CCSER1: variants seen among roughly 807,000 people sequenced by gnomAD.
CCSER1 encodes serine-rich coiled-coil domain-containing protein 1.
Under a neutral mutation model 82.0 loss-of-function variants are expected in CCSER1, and 41 were observed. That is an observed-to-expected ratio of 0.50 (90% confidence interval 0.39 to 0.65). The LOEUF is 0.65. Ranked by LOEUF, CCSER1 falls within the 30% of genes least tolerant of loss-of-function variation. CCSER1 has a pLI of 0.00. For synonymous variants in CCSER1, 414 were observed against 383.9 expected (o/e 1.08, Z -0.92); for missense variants, 1,119 against 1,064.2 (o/e 1.05, Z -0.72).
At chr4:91,321,885 G>T (rs920419011) in intron 10 of CCSER1, among the ~76,000 whole-genome samples, 38 of 151,868 alleles carry the variant, frequency 2.5e-4, no homozygotes, top group Non-Finnish European at 4.4e-4. Context: ...CATAGTAAAA[G>T]TTTTCCTTTT....
intron 1 of CCSER1, among the ~76,000 whole-genome samples, chr4:90,202,266 T>C (rs1737864400): frequency 6.6e-6 from 1 of 151,528 alleles, no homozygotes; most frequent in African/African-American, 2.4e-5. Context: ...GCAGTGGTGC[T>C]ATCTTGGCTC....
intron 9 of CCSER1, among the ~76,000 whole-genome samples, chr4:91,064,854 A>G (rs1720638163): frequency 6.6e-6 from 1 of 152,208 alleles, no homozygotes; most frequent in Non-Finnish European, 1.5e-5. Context: ...GGAACACAGC[A>G]GAATTTTGAA....
At chr4:91,460,730 G>T (rs1357297913) in intron 10 of CCSER1, among the ~76,000 whole-genome samples, 3 of 152,236 alleles carry the variant, frequency 2.0e-5, no homozygotes, top group South Asian at 2.1e-4. Flanking sequence ...TGAAAGCCAG[G>T]TGGTAAAATC....
At chr4:90,911,710 C>A (rs1726394035) in intron 8 of CCSER1, among the ~76,000 whole-genome samples, 1 of 152,112 alleles carries the variant, frequency 6.6e-6, no homozygotes, top group African/African-American at 2.4e-5. Flanking sequence ...CTCAAGGGGT[C>A]TGGGAATTCC....
intron 6 of CCSER1, among the ~76,000 whole-genome samples, chr4:90,638,992 G>A (rs955780680): frequency 6.6e-6 from 1 of 151,920 alleles, no homozygotes; most frequent in Non-Finnish European, 1.5e-5. Flanking sequence ...CTACCTCATA[G>A]GATTATTTGG....
intron 10 of CCSER1, among the ~76,000 whole-genome samples, chr4:91,178,264 G>A (rs940056521): frequency 1.3e-5 from 2 of 152,172 alleles, no homozygotes; most frequent in Non-Finnish European, 2.9e-5. Context: ...GTGTGGTGTG[G>A]TGCTGAGAAG....
intron 5 of CCSER1, among the ~76,000 whole-genome samples, chr4:90,561,690 G>C (rs1429859922): frequency 6.6e-6 from 1 of 152,150 alleles, no homozygotes; most frequent in Non-Finnish European, 1.5e-5. Flanking sequence ...ATATGCAATA[G>C]TGTAACCATT....
chr4:91,282,267 A>C (rs62312007), intron 10 of CCSER1, among the ~76,000 whole-genome samples: 2,308 of 152,256 alleles, frequency 0.015, 26 homozygotes, highest in Non-Finnish European at 0.023. Context: ...ACTTTATTCC[A>C]TCTCAAATGC....
At position 90,448,157 on chromosome 4, in the gene CCSER1, C is replaced by T. The variant is rs1038163850; in HGVS notation, c.1604-20077C>T. On this transcript the variant is annotated intron_variant, in intron 4 of 10. Transcript: ENST00000509176. ...CTTTAAAAAATTATTGTTTTCTGGA[C>T]TCTAGGATATCAGATTATAGCAATT... Among the ~76,000 whole-genome samples, 62 of 151,846 alleles carry T rather than the reference C, an allele frequency of 4.1e-4. 1 individual carries two copies. Among genetic ancestry groups the T allele is most frequent in the Non-Finnish European group, 1.2e-4 (8 of 67,934 alleles).
chr4:91,244,438 TG>T (rs759330518), intron 10 of CCSER1, among the ~76,000 whole-genome samples: 2 of 152,122 alleles, frequency 1.3e-5, no homozygotes, highest in Non-Finnish European at 2.9e-5. Flanking sequence ...CAGGGGTGCT[TG>T]CATCACCACA....
intron 10 of CCSER1, among the ~76,000 whole-genome samples, chr4:91,164,185 A>G (rs1396185736): frequency 6.6e-6 from 1 of 152,098 alleles, no homozygotes; most frequent in East Asian, 1.9e-4. Context: ...TCCTTCACTT[A>G]TGAAGCTTAG....
At chr4:90,660,989 T>A (rs1489510004) in intron 6 of CCSER1, among the ~76,000 whole-genome samples, 1 of 152,304 alleles carries the variant, frequency 6.6e-6, no homozygotes, top group Non-Finnish European at 1.5e-5. Context: ...GGTGTTATTG[T>A]TGCTATAGTT....
At chr4:91,005,962 T>A (rs1203679534) in intron 9 of CCSER1, among the ~76,000 whole-genome samples, 2 of 152,246 alleles carry the variant, frequency 1.3e-5, no homozygotes, top group African/African-American at 4.8e-5. Context: ...CATGTTGTTT[T>A]GGTTACTATA....
intron 10 of CCSER1, among the ~76,000 whole-genome samples, chr4:91,358,994 C>T (rs1272447601): frequency 2.0e-5 from 3 of 152,106 alleles, no homozygotes; most frequent in Non-Finnish European, 4.4e-5. Flanking sequence ...TCTCAGACAC[C>T]GAGTTGTAGA....
chr4:90,446,881 A>G (rs1307241898), intron 4 of CCSER1, among the ~76,000 whole-genome samples: 1 of 152,120 alleles, frequency 6.6e-6, no homozygotes, highest in African/African-American at 2.4e-5. Flanking sequence ...GACTTTTATG[A>G]TGATCCACTT....
chr4:90,623,755 A>T (rs1277832487), intron 5 of CCSER1, among the ~76,000 whole-genome samples: 1 of 152,220 alleles, frequency 6.6e-6, no homozygotes, highest in East Asian at 1.9e-4. Flanking sequence ...TTTTCCTAAA[A>T]TAACACTCTC....
At chr4:90,891,310 A>G (rs1048799360) in intron 8 of CCSER1, among the ~76,000 whole-genome samples, 2 of 151,728 alleles carry the variant, frequency 1.3e-5, no homozygotes, top group African/African-American at 4.8e-5. Flanking sequence ...AATCAAATAT[A>G]TTTATATAAT....
intron 1 of CCSER1, among the ~76,000 whole-genome samples, chr4:90,245,052 G>A (rs906413490): frequency 2.0e-5 from 3 of 152,086 alleles, no homozygotes; most frequent in Non-Finnish European, 4.4e-5. Flanking sequence ...AGGATTAACT[G>A]TAGTAATGAA....
At chr4:91,518,349 G>A (rs1560732787) in intron 10 of CCSER1, among the ~76,000 whole-genome samples, 1 of 152,148 alleles carries the variant, frequency 6.6e-6, no homozygotes, top group Non-Finnish European at 1.5e-5. Context: ...TATGAGCAGG[G>A]GGTTTGGGTG....
Sources: allele counts gnomAD v4.1 joint callset (sites outside exome capture counted in the v4.1 genomes callset), GRCh38; gene constraint gnomAD v4.1.1; transcripts MANE v1.5; gene names NCBI Gene and HGNC (gene_info 2026-07-23, HGNC 2026-07-21).